NTN1: variants seen among roughly 807,000 people sequenced by gnomAD.
NTN1 encodes the protein netrin-1.
Under a neutral mutation model 54.2 loss-of-function variants are expected in NTN1, and 11 were observed. The observed-to-expected ratio is 0.20, with a 90% confidence interval of 0.13 to 0.34. The LOEUF (loss-of-function observed/expected upper bound fraction) is 0.34, where lower values mean the gene tolerates loss of function less well. Among genes scored for constraint, NTN1 ranks in the 10% least tolerant of loss-of-function variants. NTN1 has a pLI of 1.00. For synonymous variants in NTN1, 371 were observed against 382.0 expected (o/e 0.97, Z 0.33); for missense variants, 740 against 893.1 (o/e 0.83, Z 2.18).
At chr17:9,125,008 G>A (rs925484581) in intron 2 of NTN1, among the ~76,000 whole-genome samples, 3 of 152,188 alleles carry the variant, frequency 2.0e-5, no homozygotes, top group Non-Finnish European at 4.4e-5. Flanking sequence ...TAGTGTGTAT[G>A]TGTGTTTCTT....
intron 6 of NTN1, among the ~76,000 whole-genome samples, chr17:9,227,553 GCACA>G (rs1321484606): frequency 8.7e-5 from 7 of 80,652 alleles, no homozygotes; most frequent in African/African-American, 2.3e-4. Context: ...TCACACACAG[GCACA>G]CACACTATCA....
At chr17:9,163,081 C>G in intron 3 of NTN1, 80 bp downstream of exon 3, 5 of 1,406,136 alleles carry the variant, frequency 3.6e-6, no homozygotes, top group Non-Finnish European at 4.8e-6. Context: ...GCTTCCTTTT[C>G]TATTTTCTTC....
chr17:9,088,929 AC>A (rs1400492120), intron 2 of NTN1, among the ~76,000 whole-genome samples: 1 of 152,120 alleles, frequency 6.6e-6, no homozygotes, highest in Non-Finnish European at 1.5e-5. Context: ...ATATGTCTGA[AC>A]TATTTAAACG....
intron 2 of NTN1, among the ~76,000 whole-genome samples, chr17:9,037,478 A>C (rs894868778): frequency 3.3e-5 from 5 of 152,190 alleles, no homozygotes; most frequent in African/African-American, 4.8e-5. Flanking sequence ...GCCCCTATCC[A>C]TATGATTTTG....
chr17:9,162,666 G>C, intron 2 of NTN1, 147 bp from the exon 3 acceptor site: 1 of 737,080 alleles, frequency 1.4e-6, no homozygotes, highest in South Asian at 1.7e-5. Flanking sequence ...GAGGAGCCGA[G>C]GAGGAGCTCC....
chr17:9,152,548 C>T (rs368443486), intron 2 of NTN1, among the ~76,000 whole-genome samples: 5 of 152,154 alleles, frequency 3.3e-5, no homozygotes, highest in Middle Eastern at 3.2e-3. Context: ...GTGATCCACC[C>T]GCTGCCTGGA....
chr17:9,098,381 G>A (rs953179844), intron 2 of NTN1, among the ~76,000 whole-genome samples: 6 of 152,266 alleles, frequency 3.9e-5, no homozygotes, highest in African/African-American at 7.2e-5. Context: ...GCTGTTCACA[G>A]TGAGCTGGAC....
intron 6 of NTN1, among the ~76,000 whole-genome samples, chr17:9,231,156 G>A (rs916989652): frequency 1.4e-4 from 22 of 152,276 alleles, no homozygotes; most frequent in African/African-American, 4.8e-4. Context: ...TGGGATGAGT[G>A]CCTTTGGCAC....
chr17:9,123,654 A>G (rs1284997058), intron 2 of NTN1, among the ~76,000 whole-genome samples: 2 of 152,066 alleles, frequency 1.3e-5, no homozygotes, highest in Admixed American at 1.3e-4. Context: ...AGTCAAGTGT[A>G]ACTATTGTTC....
chr17:9,043,640 G>C (rs568480646), intron 2 of NTN1, among the ~76,000 whole-genome samples: 1 of 151,196 alleles, frequency 6.6e-6, no homozygotes, highest in South Asian at 2.1e-4. Flanking sequence ...GCAATGGCGC[G>C]ATCTTGGCTC....
intron 2 of NTN1, among the ~76,000 whole-genome samples, chr17:9,143,965 C>T (rs565986195): frequency 9.9e-5 from 15 of 151,506 alleles, no homozygotes; most frequent in South Asian, 4.2e-4. Flanking sequence ...GGCACAATCT[C>T]GGCCCACTGC....
intron 2 of NTN1, among the ~76,000 whole-genome samples, chr17:9,037,761 T>A (rs2091907725): frequency 6.6e-6 from 1 of 152,152 alleles, no homozygotes; most frequent in South Asian, 2.1e-4. Context: ...AGGTCCAGGT[T>A]TTTCTGCTAC....
At chr17:9,116,900 A>C (rs2092214624) in intron 2 of NTN1, among the ~76,000 whole-genome samples, 2 of 152,252 alleles carry the variant, frequency 1.3e-5, no homozygotes, top group Admixed American at 1.3e-4. Flanking sequence ...CATGGGGCAC[A>C]TCCTATTAAC....
chr17:9,021,168 G>A (rs1002906949), upstream of NTN1, among the ~76,000 whole-genome samples: 4 of 148,538 alleles, frequency 2.7e-5, no homozygotes, highest in East Asian at 6.1e-4. Context: ...GCGCTCCCCC[G>A]GGCGTGAGGC....
chr17:9,114,166 A>AAAAAAAAAAAAAT (rs1555569108), intron 2 of NTN1, among the ~76,000 whole-genome samples: 1 of 74,622 alleles, frequency 1.3e-5, no homozygotes, highest in Non-Finnish European at 2.5e-5. Context: ...AAAAAAAAAA[A>AAAAAAAAAAAAAT]ATATATATAT....
At chr17:9,085,578 A>C (rs1472828373) in intron 2 of NTN1, among the ~76,000 whole-genome samples, 1 of 152,182 alleles carries the variant, frequency 6.6e-6, no homozygotes, top group African/African-American at 2.4e-5. Context: ...CAGTTCTTGC[A>C]TCTACAGATC....
At chr17:9,012,679 G>T in the NTN1 span, among the ~76,000 whole-genome samples, 1 of 151,994 alleles carries the variant, frequency 6.6e-6, no homozygotes, top group African/African-American at 2.4e-5. Flanking sequence ...CCTTCTTAGG[G>T]AGTCCTTCCC....
At chr17:9,058,344 C>T (rs2091985496) in intron 2 of NTN1, among the ~76,000 whole-genome samples, 2 of 152,134 alleles carry the variant, frequency 1.3e-5, no homozygotes, top group South Asian at 4.1e-4. Context: ...TACTTACCTG[C>T]CTTTTTAAAC....
the NTN1 span, among the ~76,000 whole-genome samples, chr17:9,003,569 C>T: frequency 6.8e-6 from 1 of 148,146 alleles, no homozygotes; most frequent in Non-Finnish European, 1.5e-5. This position sits in a 1 kb window ranked among gnomAD's most constrained non-coding sequence, Gnocchi z 7.4. Flanking sequence ...AGGTCGCGCT[C>T]GGCGGCCGGC....
Sources: gnomAD v4.1 joint callset for allele counts (sites outside exome capture counted in the v4.1 genomes callset) on GRCh38, gnomAD v4.1.1 for gene constraint, Gnocchi (gnomAD v3.1) non-coding constraint, MANE v1.5 for transcripts, NCBI Gene and HGNC (gene_info 2026-07-23, HGNC 2026-07-21) for gene names.